Variants in KCNN2 observed in about 807,000 individuals in gnomAD.
KCNN2 encodes potassium calcium-activated channel subfamily N member 2.
Under a neutral mutation model 55.5 loss-of-function variants are expected in KCNN2, and 24 were observed. The ratio of observed to expected loss-of-function variants is 0.43; its 90% CI spans 0.31 to 0.61. The LOEUF (loss-of-function observed/expected upper bound fraction) is 0.61, where lower values mean the gene tolerates loss of function less well. KCNN2 is among the 20% of genes least tolerant of loss of function. The pLI is 0.08. For synonymous variants in KCNN2, 431 were observed against 336.1 expected, an observed-to-expected ratio of 1.28 and a Z score of -3.09; for missense variants, 754 against 853.6, an observed-to-expected ratio of 0.88 and a Z score of 1.45.
At chr5:114,466,557 G>T (rs951536660) in intron 4 of KCNN2, among the ~76,000 whole-genome samples, 2 of 152,018 alleles carry the variant, frequency 1.3e-5, no homozygotes, top group South Asian at 4.1e-4. Flanking sequence ...TTTCAAGAGT[G>T]AAAAATAGCC....
intron 5 of KCNN2, among the ~76,000 whole-genome samples, chr5:114,482,575 G>GTGTA (rs1762273742): frequency 6.6e-6 from 1 of 152,122 alleles, no homozygotes; most frequent in South Asian, 2.1e-4. Context: ...ATATATGCAT[G>GTGTA]TGTATGTTCA....
At chr5:114,303,584 TACA>T (rs1561562969) in intron 2 of KCNN2, among the ~76,000 whole-genome samples, 11 of 152,184 alleles carry the variant, frequency 7.2e-5, no homozygotes, top group East Asian at 5.8e-4. Context: ...AGAATGACAG[TACA>T]TTATTTGGGC....
chr5:114,074,340 G>C (rs1013444472), intron 1 of KCNN2, among the ~76,000 whole-genome samples: 1 of 151,704 alleles, frequency 6.6e-6, no homozygotes, highest in East Asian at 1.9e-4. Flanking sequence ...GCGCGCGCGC[G>C]CCAGAGAGAA....
At chr5:114,198,894 C>T (rs958904578) in intron 1 of KCNN2, among the ~76,000 whole-genome samples, 3 of 152,036 alleles carry the variant, frequency 2.0e-5, no homozygotes, top group Admixed American at 1.3e-4. Context: ...GAAAACAGTG[C>T]ATATTCTGTA....
intron 2 of KCNN2, among the ~76,000 whole-genome samples, chr5:114,313,998 T>A (rs1370675675): frequency 6.6e-6 from 1 of 152,134 alleles, no homozygotes; most frequent in African/African-American, 2.4e-5. Flanking sequence ...GATGAACGTT[T>A]CTTTTTCGGT....
chr5:114,405,198 C>T (rs1561610915), intron 3 of KCNN2, among the ~76,000 whole-genome samples: 1 of 152,164 alleles, frequency 6.6e-6, no homozygotes, highest in Non-Finnish European at 1.5e-5. Flanking sequence ...TGCCTGATTG[C>T]TTATGAGCGT....
chr5:114,143,364 T>C (rs1290671943), intron 1 of KCNN2, among the ~76,000 whole-genome samples: 1 of 152,060 alleles, frequency 6.6e-6, no homozygotes, highest in Non-Finnish European at 1.5e-5. Flanking sequence ...TATTAATCAG[T>C]AGTAATAGTT....
intron 1 of KCNN2, among the ~76,000 whole-genome samples, chr5:114,151,914 G>C (rs62382867): frequency 6.6e-6 from 1 of 152,106 alleles, no homozygotes; most frequent in African/African-American, 2.4e-5. Context: ...TGTTAACACT[G>C]TACCTTTATA....
At chr5:114,350,094 ATTCTT>A (rs939811325) in intron 2 of KCNN2, among the ~76,000 whole-genome samples, 4 of 151,734 alleles carry the variant, frequency 2.6e-5, no homozygotes, top group African/African-American at 9.7e-5. Context: ...TGGCTTATTT[ATTCTT>A]TTAAATTTTT....
At chr5:114,458,333 C>G (rs1370542030) in intron 3 of KCNN2, among the ~76,000 whole-genome samples, 1 of 152,158 alleles carries the variant, frequency 6.6e-6, no homozygotes, top group Non-Finnish European at 1.5e-5. Flanking sequence ...ACCTCCACGA[C>G]TGAATTATTT....
chr5:114,385,229 C>T (rs1422283232), intron 2 of KCNN2, among the ~76,000 whole-genome samples: 2 of 151,364 alleles, frequency 1.3e-5, no homozygotes, highest in Non-Finnish European at 2.9e-5. Context: ...TGCTTTCTTC[C>T]TTCCCTCCCT....
chr5:114,239,728 C>T (rs1430138900), intron 2 of KCNN2, among the ~76,000 whole-genome samples: 6 of 152,138 alleles, frequency 3.9e-5, no homozygotes, highest in Admixed American at 6.5e-5. Context: ...AACTCTCTAA[C>T]AGTGGTTTCC....
chr5:114,199,695 A>G (rs1346578387), intron 1 of KCNN2, among the ~76,000 whole-genome samples: 2 of 151,898 alleles, frequency 1.3e-5, no homozygotes, highest in Non-Finnish European at 2.9e-5. Context: ...CTGTAGGACC[A>G]GTTTTCTGGT....
At chr5:114,333,644 T>A (rs1312766165) in intron 2 of KCNN2, among the ~76,000 whole-genome samples, 1 of 152,042 alleles carries the variant, frequency 6.6e-6, no homozygotes, top group African/African-American at 2.4e-5. Flanking sequence ...CAAAAATCAT[T>A]CAAAGAATTT....
chr5:114,058,527 G>A (rs1750258540), intron 1 of KCNN2, among the ~76,000 whole-genome samples: 1 of 152,146 alleles, frequency 6.6e-6, no homozygotes. Flanking sequence ...AAAGTGTATG[G>A]TGGACCACGT....
chr5:114,258,735 A>G (rs549247817), intron 2 of KCNN2, among the ~76,000 whole-genome samples: 1 of 152,196 alleles, frequency 6.6e-6, no homozygotes, highest in Non-Finnish European at 1.5e-5. Flanking sequence ...TTGGTCAGAC[A>G]ATATCTCCAG....
chr5:114,142,422 T>C lies in KCNN2; in HGVS notation c.-270-79058T>C, dbSNP rs539682714. 3.4e-3 allele frequency among the ~76,000 whole-genome samples: 516 copies of C among 152,230 alleles called. 1 individual carries two copies. Among genetic ancestry groups the C allele is most frequent in the Non-Finnish European group, 5.5e-3 (371 of 68,004 alleles). On this transcript the variant is annotated intron_variant, in intron 1 of 10. Coordinates refer to the KCNN2 transcript ENST00000512097. ...CCCATTTCTTGTTTTTGTCAGGAAGTCAAATTGTCCCTGTTTGCAGATGAC... is the reference window on the plus strand; with the variant it reads ...CCCATTTCTTGTTTTTGTCAGGAAGCCAAATTGTCCCTGTTTGCAGATGAC...
At chr5:114,279,025 T>A (rs1189730390) in intron 2 of KCNN2, among the ~76,000 whole-genome samples, 1 of 152,150 alleles carries the variant, frequency 6.6e-6, no homozygotes, top group Admixed American at 6.5e-5. Flanking sequence ...GTTCTCATTT[T>A]TTTTTGTTTT....
At chr5:114,116,242 G>A (rs1751706056) in intron 1 of KCNN2, among the ~76,000 whole-genome samples, 1 of 152,120 alleles carries the variant, frequency 6.6e-6, no homozygotes, top group South Asian at 2.1e-4. Flanking sequence ...ATTGCCAGAG[G>A]ATGGGAGAAT....
Sources: allele counts gnomAD v4.1 joint callset (sites outside exome capture counted in the v4.1 genomes callset), GRCh38; gene constraint gnomAD v4.1.1; transcripts MANE v1.5; gene names NCBI Gene and HGNC (gene_info 2026-07-23, HGNC 2026-07-21).